KIF1B: variants seen among roughly 807,000 people sequenced by gnomAD.
The protein encoded by KIF1B is kinesin family member 1B.
KIF1B carries 76 observed loss-of-function variants against 241.9 expected under a neutral mutation model. The ratio of observed to expected loss-of-function variants is 0.31; its 90% CI spans 0.26 to 0.38. The LOEUF (loss-of-function observed/expected upper bound fraction) is 0.38. KIF1B is among the 10% of genes least tolerant of loss of function. The pLI, the probability that KIF1B is intolerant of heterozygous loss-of-function variation, is 1.00. For missense variants in KIF1B, 1,622 were observed against 2,271.4 expected (o/e 0.71, Z 5.81); for synonymous variants, 750 against 796.7 (o/e 0.94, Z 0.99).
At chr1:10,250,367 C>T (rs1024181454) in intron 2 of KIF1B, among the ~76,000 whole-genome samples, 10 of 150,752 alleles carry the variant, frequency 6.6e-5, no homozygotes, top group Non-Finnish European at 1.3e-4. Context: ...GAAACGGAGC[C>T]TCGCTCTGTT....
chr1:10,374,956 T>G lies in KIF1B; in HGVS notation c.5199T>G (p.Tyr1733Ter). 1 of 1,614,172 alleles carries G rather than the reference T, an allele frequency of 6.2e-7. No homozygotes were observed. Among genetic ancestry groups the G allele is most frequent in the Non-Finnish European group, 8.5e-7 (1 of 1,180,014 alleles). The change falls in exon 47 of 49, where the codon TAT becomes TAG. Residue 1733 changes from tyrosine (Y) to a stop codon, truncating the protein, a stop_gained. Transcript: ENST00000676179. LOFTEE classifies it high-confidence loss of function. The surrounding 1 kb of genome is among the most constrained non-coding windows in gnomAD (Gnocchi z 4.3). ...TCCGTCGGCCTTATGTCTTCATCTA[T>G]AACAGTGACAAAGACCCTGTGGAGC... ...VVVRRPYVFI[Y>*]NSDKDPVERG... is the part of the protein sequence containing the mutation.
intron 22 of KIF1B, 139 bp downstream of exon 22, chr1:10,297,385 G>GAATGAACTTA: frequency 1.2e-6 from 1 of 829,518 alleles, no homozygotes; most frequent in East Asian, 2.4e-5. Flanking sequence ...CCTTAATGGA[G>GAATGAACTTA]AATGAACTTA....
Position 10,236,017 on chromosome 1 carries a change from A to C in KIF1B, c.106+3583A>C, listed in dbSNP as rs193221056. ...GCCGGGCACGGTGGCTCAAGCCTCT[A>C]ATCCCAGCACTTTGGGAGGCTGACG... On this transcript the variant is annotated intron_variant, in intron 2 of 48. Transcript: ENST00000676179. Among the ~76,000 whole-genome samples, 328 of 152,168 alleles carry C rather than the reference A, an allele frequency of 2.2e-3. 1 individual carries two copies. Among genetic ancestry groups the C allele is most frequent in the African/African-American group, 6.2e-3 (256 of 41,488 alleles).
rs747752091 is a variant in KIF1B at position 10,347,790 on chromosome 1, C to T, written c.3827C>T (p.Ala1276Val). Residue 1276 changes from alanine (A) to valine (V), a missense_variant, in exon 36 of 49, where the codon GCA (alanine) becomes GTA (valine). Ala to Val is a moderately conservative substitution (Grantham distance 64). Transcript: ENST00000676179. Reference sequence around the variant, plus strand: ...ATCCCAGCTGTGGTTGACCACACAGCAGGCTTGCCTTGCCAGGGGACATTT... The same window carrying T: ...ATCCCAGCTGTGGTTGACCACACAGTAGGCTTGCCTTGCCAGGGGACATTT... ...EYIPAVVDHT[A>V]GLPCQGTFLL... 5.0e-6 allele frequency: 8 copies of T among 1,613,338 alleles called. No individual in the cohort carries two copies. In the Admixed American group the frequency reaches 5.0e-5, roughly 10 times the overall value.
intron 2 of KIF1B, among the ~76,000 whole-genome samples, chr1:10,236,520 A>G (rs988895912): frequency 3.3e-5 from 5 of 152,228 alleles, no homozygotes. Context: ...TCAGCCTTGC[A>G]AAAATGCGGG....
At chr1:10,346,738 A>G (rs1280078175) in intron 35 of KIF1B, among the ~76,000 whole-genome samples, 1 of 152,236 alleles carries the variant, frequency 6.6e-6, no homozygotes, top group Non-Finnish European at 1.5e-5. Flanking sequence ...TGCATAGAAT[A>G]TGGTAAAGAC....
chr1:10,244,752 A>G (rs189531617), intron 2 of KIF1B, among the ~76,000 whole-genome samples: 2,833 of 151,530 alleles, frequency 0.019, 40 homozygotes, highest in Non-Finnish European at 0.028. Flanking sequence ...AGCTGGGACT[A>G]CAGGCGCCCA....
chr1:10,244,764 C>T (rs1206268136), intron 2 of KIF1B, among the ~76,000 whole-genome samples: 1 of 151,918 alleles, frequency 6.6e-6, no homozygotes, highest in Non-Finnish European at 1.5e-5. Context: ...AGGCGCCCAC[C>T]ACCACGCCTG....
In KIF1B at chr1:10,286,455, C is replaced by T. The variant is rs555567205; in HGVS notation, c.1434+3922C>T. ...TGCTTAGGCTTAGCCTATAAATATC[C>T]ACAAATATCCATTACAGAAGCAGGC... On this transcript the variant is annotated intron_variant, in intron 15 of 48. Coordinates refer to ENST00000676179, the MANE Select transcript of KIF1B (RefSeq NM_001365951.3). 1.6e-3 allele frequency among the ~76,000 whole-genome samples: 245 copies of T among 152,320 alleles called. 1 individual carries two copies. Among genetic ancestry groups the T allele is most frequent in the African/African-American group, 5.6e-3 (232 of 41,576 alleles).
At chr1:10,322,459 C>CTTAT in intron 24 of KIF1B, among the ~76,000 whole-genome samples, 1 of 152,296 alleles carries the variant, frequency 6.6e-6, no homozygotes, top group African/African-American at 2.4e-5. Flanking sequence ...TAGTGTCTGG[C>CTTAT]ATGGTAAAAG....
At chr1:10,338,411 A>G (rs1435988852) in intron 31 of KIF1B, among the ~76,000 whole-genome samples, 1 of 152,252 alleles carries the variant, frequency 6.6e-6, no homozygotes, top group African/African-American at 2.4e-5. Flanking sequence ...ATCATTTGCT[A>G]CAAGTCATAG....
At chr1:10,334,706 C>A in intron 28 of KIF1B, 68 bp downstream of exon 28, 1 of 1,206,946 alleles carries the variant, frequency 8.3e-7, no homozygotes, top group Non-Finnish European at 1.2e-6. Flanking sequence ...GCTGATTCTG[C>A]GTGGGTCACG....
At chr1:10,371,364 C>T in intron 45 of KIF1B, 102 bp downstream of exon 45, 1 of 1,382,708 alleles carries the variant, frequency 7.2e-7, no homozygotes, top group East Asian at 2.4e-5. Flanking sequence ...GCACCTTCTC[C>T]CTAGGCAGCA....
At chr1:10,336,072 T>C (rs554742038) in intron 28 of KIF1B, among the ~76,000 whole-genome samples, 1 of 152,198 alleles carries the variant, frequency 6.6e-6, no homozygotes, top group African/African-American at 2.4e-5. Context: ...ACTTGTTGGG[T>C]ATTATTGACT....
chr1:10,263,649 C>G (rs1648281667), intron 5 of KIF1B, among the ~76,000 whole-genome samples: 2 of 152,210 alleles, frequency 1.3e-5, no homozygotes, highest in Admixed American at 1.3e-4. Flanking sequence ...AATGTGCTGC[C>G]CTAAGCATAT....
chr1:10,222,338 G>C (rs1646856120), intron 1 of KIF1B, among the ~76,000 whole-genome samples: 1 of 152,072 alleles, frequency 6.6e-6, no homozygotes, highest in Non-Finnish European at 1.5e-5. Context: ...GGAGAAGAAG[G>C]CTTAGAGTTG....
chr1:10,212,915 T>C (rs868190054), intron 1 of KIF1B, among the ~76,000 whole-genome samples: 31 of 121,674 alleles, frequency 2.5e-4, no homozygotes, highest in Non-Finnish European at 3.8e-4. Context: ...TATATATATA[T>C]ATATATATAT....
intron 22 of KIF1B, among the ~76,000 whole-genome samples, chr1:10,316,340 T>G (rs1651304266): frequency 6.6e-6 from 1 of 151,630 alleles, no homozygotes; most frequent in Non-Finnish European, 1.5e-5. Context: ...AATGTTAAAG[T>G]TTGGTAAATT....
In KIF1B at chr1:10,376,692, G is replaced by A; in HGVS notation, c.*105G>A. ...GGTGACTCTTGTATGTAATCCTGTGGCTTAACTACTTCTCCCTCCTTGTCC... is the reference window on the plus strand; with the variant it reads ...GGTGACTCTTGTATGTAATCCTGTGACTTAACTACTTCTCCCTCCTTGTCC... On this transcript the variant is annotated 3_prime_UTR_variant, in exon 49 of 49. Coordinates refer to ENST00000676179, the MANE Select transcript of KIF1B (RefSeq NM_001365951.3). 1 of 1,155,944 alleles carries A rather than the reference G, an allele frequency of 8.7e-7. No individual in the cohort carries two copies. Among genetic ancestry groups the A allele is most frequent in the Non-Finnish European group, 1.3e-6 (1 of 766,978 alleles). 71.6% of individuals were successfully genotyped at this position (1,155,944 alleles called of 1,614,324 possible).
Sources: allele counts gnomAD v4.1 joint callset (sites outside exome capture counted in the v4.1 genomes callset), GRCh38; gene constraint gnomAD v4.1.1; non-coding constraint Gnocchi (gnomAD v3.1); transcripts MANE v1.5; gene names NCBI Gene and HGNC (gene_info 2026-07-23, HGNC 2026-07-21).